Variants in THSD7A observed in about 807,000 individuals in gnomAD.
The protein encoded by THSD7A is thrombospondin type-1 domain-containing protein 7A.
In THSD7A, 96 loss-of-function variants were observed where a neutral mutation model predicts 231.3. That is an observed-to-expected ratio of 0.41 (90% CI 0.35 to 0.49). THSD7A has a LOEUF of 0.49. THSD7A is among the 20% of genes least tolerant of loss of function. The probability of loss-of-function intolerance (pLI) is 0.05; values close to 1 mark genes in which losing one functional copy is unlikely to be tolerated. For missense variants in THSD7A, 2,290 were observed against 2,070.2 expected, an observed-to-expected ratio of 1.11 and a Z score of -2.06; for synonymous variants, 940 against 743.3, an observed-to-expected ratio of 1.26 and a Z score of -4.30.
Position 11,424,700 on chromosome 7 carries a change from CTT to C in THSD7A, c.3377_3378del (p.Lys1126SerfsTer13). ...ENCGEGVQTRKVRCMQNTADG... is the reference protein window; with the variant it reads ...ENCGEGVQTRXVRCMQNTADG... ...TATAATTAGGCTTTGTCTTACCTCACTTTTCGGGTTTGCACGCCCTCTCCACA... is the reference window on the plus strand; with the variant it reads ...TATAATTAGGCTTTGTCTTACCTCACTTCGGGTTTGCACGCCCTCTCCACA... On this transcript the variant is annotated frameshift_variant, in exon 16 of 28. Transcript: ENST00000423059. LOFTEE classifies it high-confidence loss of function. The C allele has an allele frequency of 6.2e-7, 1 of 1,613,936 alleles. No individual in the cohort carries two copies. The highest frequency in any genetic ancestry group is 8.5e-7 in the Non-Finnish European group (1 of 1,179,862).
At chr7:11,642,702 T>C (rs191116750) in intron 1 of THSD7A, among the ~76,000 whole-genome samples, 10 of 152,252 alleles carry the variant, frequency 6.6e-5, no homozygotes, top group African/African-American at 2.2e-4. Flanking sequence ...ATAAAAACTT[T>C]AAATGAATGC....
At position 11,426,755 on chromosome 7, in the gene THSD7A, G is replaced by A. The variant is rs143249633; in HGVS notation, c.3244-84C>T. On this transcript the variant is annotated intron_variant, in intron 14 of 27. Coordinates refer to ENST00000423059, the MANE Select transcript of THSD7A (RefSeq NM_015204.3). ...TCAGTATGCTATGAGAAGAACACAT[G>A]GTAAGTTTCAAGTATTATTACTTAC... 1,739 of 1,395,928 alleles carry A rather than the reference G, an allele frequency of 1.2e-3. 51 individuals carry two copies. In the Admixed American group the frequency reaches 0.041, roughly 33 times the overall value. 86.5% of individuals were successfully genotyped at this position (1,395,928 alleles called of 1,614,324 possible). A position where few individuals can be genotyped will look rare whatever the true frequency, so the allele number is the denominator to read the frequency against.
At chr7:11,514,536 G>A (rs750940570) in intron 6 of THSD7A, among the ~76,000 whole-genome samples, 18 of 152,122 alleles carry the variant, frequency 1.2e-4, no homozygotes, top group Admixed American at 2.0e-4. Context: ...AGAAGGAGGA[G>A]ATCATGAGGG....
rs78586050 is a variant in THSD7A, at chr7:11,688,914, T to C, written c.191-51953A>G. ...TAAAAGTTTAAGCTATAAAGAAGTATATAATAAAAATAGACTTCATTGGGA... is the reference window on the plus strand; with the variant it reads ...TAAAAGTTTAAGCTATAAAGAAGTACATAATAAAAATAGACTTCATTGGGA... On this transcript the variant is annotated intron_variant, in intron 1 of 27. Transcript: ENST00000423059. Among the ~76,000 whole-genome samples, 88 of 151,840 alleles carry C rather than the reference T, an allele frequency of 5.8e-4. No individual in the cohort carries two copies. In the East Asian group the frequency reaches 0.016, roughly 27 times the overall value.
intron 1 of THSD7A, among the ~76,000 whole-genome samples, chr7:11,665,401 T>C (rs1463716402): frequency 6.6e-6 from 1 of 152,110 alleles, no homozygotes; most frequent in African/African-American, 2.4e-5. Flanking sequence ...GGTTGAGACC[T>C]AAAACCCCAG....
chr7:11,391,110 A>C, intron 23 of THSD7A, among the ~76,000 whole-genome samples: 1 of 152,230 alleles, frequency 6.6e-6, no homozygotes, highest in East Asian at 1.9e-4. Context: ...TCCTTAGCAG[A>C]GATCAAATGC....
intron 1 of THSD7A, among the ~76,000 whole-genome samples, chr7:11,710,760 C>A (rs1000386927): frequency 2.0e-5 from 3 of 150,798 alleles, no homozygotes; most frequent in Non-Finnish European, 4.5e-5. Context: ...TTGTTACATG[C>A]CCCTATTTAC....
chr7:11,586,227 G>C (rs777321226), intron 4 of THSD7A, among the ~76,000 whole-genome samples: 5 of 152,126 alleles, frequency 3.3e-5, no homozygotes, highest in Non-Finnish European at 7.4e-5. Flanking sequence ...ACTAGTGAAA[G>C]TTTTAGAAGT....
intron 4 of THSD7A, among the ~76,000 whole-genome samples, chr7:11,585,311 G>T (rs750269454): frequency 9.2e-5 from 14 of 152,134 alleles, no homozygotes; most frequent in Non-Finnish European, 1.9e-4. Context: ...ATTTCATAGG[G>T]TAAAAGCTGT....
At position 11,406,237 on chromosome 7, in the gene THSD7A, C is replaced by A; in HGVS notation, c.4237+63G>T. 1 of 1,483,048 alleles carries A rather than the reference C, an allele frequency of 6.7e-7. No individual in the cohort carries two copies. Among genetic ancestry groups the A allele is most frequent in the African/African-American group, 1.4e-5 (1 of 71,268 alleles). The allele number at this position is 1,483,048 out of a possible 1,614,324, so 91.9% of individuals were successfully genotyped here. A position where few individuals can be genotyped will look rare whatever the true frequency, so the allele number is the denominator to read the frequency against. On this transcript the variant is annotated intron_variant, in intron 22 of 27. Coordinates refer to ENST00000423059, the MANE Select transcript of THSD7A (RefSeq NM_015204.3). The surrounding 1 kb of genome is among the most constrained non-coding windows in gnomAD (Gnocchi z 4.7). ...TGTAACTTATACTTTATATGCAACC[C>A]CTTCACGGCCCTTGTCCTAGGAAAA... is the stretch of plus-strand genomic sequence containing the variant.
At chr7:11,441,962 C>A (rs936011695) in intron 13 of THSD7A, among the ~76,000 whole-genome samples, 5 of 151,858 alleles carry the variant, frequency 3.3e-5, no homozygotes, top group Admixed American at 6.6e-5. Flanking sequence ...GCACATGTTT[C>A]CCAGAACTTA....
Position 11,636,121 on chromosome 7 carries a change from A to G in THSD7A, c.1022+9T>C. The stretch of plus-strand genomic sequence containing the variant: ...AAGCCTGTGTAGTTAACAGTAATTA[A>G]AATGTTACCTTAAATCAGCAGCTTT... On this transcript the variant is annotated intron_variant, in intron 2 of 27. Transcript: ENST00000423059. The surrounding 1 kb of genome is among the most constrained non-coding windows in gnomAD (Gnocchi z 10.0). 6.2e-7 allele frequency: 1 copy of G among 1,602,696 alleles called. No homozygotes were observed. The highest frequency in any genetic ancestry group is 1.7e-4 in the Middle Eastern group (1 of 5,994).
intron 4 of THSD7A, among the ~76,000 whole-genome samples, chr7:11,545,769 G>T (rs78738590): frequency 2.0e-5 from 3 of 152,172 alleles, no homozygotes; most frequent in African/African-American, 7.2e-5. Flanking sequence ...GTTATCAGGG[G>T]CAGGTCTCTA....
At position 11,660,750 on chromosome 7, in the gene THSD7A, C is replaced by T. The variant is rs567244352; in HGVS notation, c.191-23789G>A. ...ATATAAAAATGCAAACTTGTCATAA[C>T]CAGAAGACATTAGAATATGAGCAAA... On this transcript the variant is annotated intron_variant, in intron 1 of 27. Coordinates refer to ENST00000423059, the MANE Select transcript of THSD7A (RefSeq NM_015204.3). 1.3e-4 allele frequency among the ~76,000 whole-genome samples: 19 copies of T among 151,420 alleles called. No individual in the cohort carries two copies. In the South Asian group the frequency reaches 3.5e-3, roughly 28 times the overall value.
chr7:11,702,145 A>G (rs1780623685), intron 1 of THSD7A, among the ~76,000 whole-genome samples: 1 of 151,262 alleles, frequency 6.6e-6, no homozygotes, highest in South Asian at 2.1e-4. Flanking sequence ...GCTGTTTAAC[A>G]GATCACCAGA....
chr7:11,421,180 A>G (rs188446247), intron 16 of THSD7A, among the ~76,000 whole-genome samples: 3 of 152,248 alleles, frequency 2.0e-5, no homozygotes, highest in Admixed American at 6.5e-5. Flanking sequence ...CCAGGGTGGA[A>G]TGATATGGTT....
At chr7:11,680,307 T>A (rs1030762679) in intron 1 of THSD7A, among the ~76,000 whole-genome samples, 1 of 152,130 alleles carries the variant, frequency 6.6e-6, no homozygotes, top group Admixed American at 6.6e-5. Flanking sequence ...ACTTCATGAC[T>A]AAAACACCAA....
chr7:11,481,823 C>G lies in THSD7A; in HGVS notation c.1982G>C (p.Arg661Pro). The G allele has an allele frequency of 6.2e-7, 1 of 1,613,506 alleles. No homozygotes were observed. Among genetic ancestry groups the G allele is most frequent in the Non-Finnish European group, 8.5e-7 (1 of 1,179,610 alleles). ...SGKTTEGKQI[R>P]ARSILAYAGE... ...CGCATAGGCCAGAATGGATCGTGCT[C>G]GTATCTGTTTCCCTTCTGTCGTTTT... Residue 661 changes from arginine to proline, a missense_variant, in exon 7 of 28, where the codon CGA becomes CCA. Physicochemically the swap from Arg to Pro is moderately radical, Grantham distance 103 (BLOSUM62 -2). Transcript: ENST00000423059.
Position 11,492,810 on chromosome 7 carries a change from T to C in THSD7A, c.1823-10828A>G, listed in dbSNP as rs75311010. 3.6e-4 allele frequency among the ~76,000 whole-genome samples: 55 copies of C among 151,914 alleles called. 1 individual carries two copies. The East Asian group carries it at 0.01, about 28-fold the overall frequency. On this transcript the variant is annotated intron_variant, in intron 6 of 27. Coordinates refer to ENST00000423059, the MANE Select transcript of THSD7A (RefSeq NM_015204.3). ...TTCCAAAACTTCCCACTCTATCCTCTATGAACCCCATGTAAAAACACAAAA... is the reference window on the plus strand; with the variant it reads ...TTCCAAAACTTCCCACTCTATCCTCCATGAACCCCATGTAAAAACACAAAA...
Sources: gnomAD v4.1 joint callset for allele counts (sites outside exome capture counted in the v4.1 genomes callset) on GRCh38, gnomAD v4.1.1 for gene constraint, Gnocchi (gnomAD v3.1) non-coding constraint, MANE v1.5 for transcripts, NCBI Gene and HGNC (gene_info 2026-07-23, HGNC 2026-07-21) for gene names.